The following GALNT14 variants were observed in gnomAD, a reference collection of about 807,000 sequenced individuals.
GALNT14 encodes the protein polypeptide N-acetylgalactosaminyltransferase 14, also known as UDP-GalNAc:polypeptide N-acetylgalactosaminyltransferase 14.
GALNT14 carries 60 observed loss-of-function variants against 77.5 expected under a neutral mutation model. That is an observed-to-expected ratio of 0.77 (90% CI 0.63 to 0.96). GALNT14 has a LOEUF of 0.96. Among genes scored for constraint, GALNT14 ranks in the 40% least tolerant of loss-of-function variants. The probability of loss-of-function intolerance (pLI) is 0.00; values close to 1 mark genes in which losing one functional copy is unlikely to be tolerated. For missense variants in GALNT14, 710 were observed against 731.0 expected, an observed-to-expected ratio of 0.97 and a Z score of 0.33; for synonymous variants, 280 against 281.7, an observed-to-expected ratio of 0.99 and a Z score of 0.06.
chr2:30,897,936 C>A, the GALNT14 span, among the ~76,000 whole-genome samples: 3 of 152,220 alleles, frequency 2.0e-5, no homozygotes, highest in African/African-American at 7.2e-5. Flanking sequence ...GGCAACCCCA[C>A]AGGGGAGTCT....
At chr2:31,055,791 CTTTA>C in intron 1 of GALNT14, among the ~76,000 whole-genome samples, 1 of 152,264 alleles carries the variant, frequency 6.6e-6, no homozygotes, top group Admixed American at 6.5e-5. Context: ...TGACTGGCTG[CTTTA>C]TTTCTCTTAT....
intron 1 of GALNT14, among the ~76,000 whole-genome samples, chr2:31,116,088 G>A (rs1678093600): frequency 6.6e-6 from 1 of 152,088 alleles, no homozygotes; most frequent in African/African-American, 2.4e-5. Flanking sequence ...GGAGGGGCAT[G>A]TAAAATCATC....
In GALNT14 at chr2:31,123,971, T is replaced by A. The variant is rs377741775; in HGVS notation, c.129+13987A>T. Among the ~76,000 whole-genome samples, 74 of 152,306 alleles carry A rather than the reference T, an allele frequency of 4.9e-4. 1 individual carries two copies. The South Asian group carries it at 0.014, about 28-fold the overall frequency. ...CAATACATCTAAGAGGAACACAGTG[T>A]TCGGGAATCAGAAGTGGTGAGGGAG... On this transcript the variant is annotated intron_variant, in intron 1 of 14. Coordinates refer to ENST00000349752, the MANE Select transcript of GALNT14 (RefSeq NM_024572.4).
At chr2:31,020,146 A>G (rs1671624735) in intron 1 of GALNT14, among the ~76,000 whole-genome samples, 1 of 152,142 alleles carries the variant, frequency 6.6e-6, no homozygotes, top group Non-Finnish European at 1.5e-5. Context: ...GGGACTTGGG[A>G]ACACACGTCA....
rs144504311 is a variant in GALNT14, at chr2:31,077,931, T to C, written c.129+60027A>G. 5.9e-5 allele frequency among the ~76,000 whole-genome samples: 9 copies of C among 152,316 alleles called. No individual in the cohort carries two copies. The East Asian group carries it at 1.5e-3, about 26-fold the overall frequency. On this transcript the variant is annotated intron_variant, in intron 1 of 14. Transcript: ENST00000349752. ...CATGTTGTGTCCACAGAGGAATGTA[T>C]AGTAGGTTACAAAATAGAGTTGTGG...
intron 11 of GALNT14, among the ~76,000 whole-genome samples, chr2:30,925,777 TG>T (rs1665333886): frequency 6.6e-6 from 1 of 152,114 alleles, no homozygotes; most frequent in South Asian, 2.1e-4. Context: ...ATGAAACTGA[TG>T]GGTTCTAAGC....
At chr2:31,045,644 G>A (rs2148508232) in intron 1 of GALNT14, among the ~76,000 whole-genome samples, 1 of 152,090 alleles carries the variant, frequency 6.6e-6, no homozygotes. Context: ...TGCATTTTTT[G>A]TAGAGACAGG....
intron 1 of GALNT14, among the ~76,000 whole-genome samples, chr2:31,093,332 T>C (rs1035167179): frequency 6.6e-6 from 1 of 152,246 alleles, no homozygotes; most frequent in African/African-American, 2.4e-5. Context: ...TCTGGGTTAC[T>C]ACAGATTAGT....
intron 1 of GALNT14, among the ~76,000 whole-genome samples, chr2:31,027,889 T>C (rs912979254): frequency 2.1e-5 from 3 of 140,016 alleles, no homozygotes; most frequent in Non-Finnish European, 4.5e-5. Context: ...ATGTATTCTG[T>C]GTGTGTGTGT....
chr2:31,059,520 A>G (rs1396142959), intron 1 of GALNT14, among the ~76,000 whole-genome samples: 2 of 152,154 alleles, frequency 1.3e-5, no homozygotes, highest in Non-Finnish European at 2.9e-5. Context: ...GAGGAACCTT[A>G]TGAATGAGAT....
At chr2:31,007,056 C>T (rs570871890) in intron 1 of GALNT14, among the ~76,000 whole-genome samples, 4 of 152,244 alleles carry the variant, frequency 2.6e-5, no homozygotes, top group South Asian at 2.1e-4. Flanking sequence ...GACTTTGAAA[C>T]GACTTTATCT....
chr2:30,948,734 T>A (rs527520618), intron 6 of GALNT14, among the ~76,000 whole-genome samples: 1 of 152,302 alleles, frequency 6.6e-6, no homozygotes, highest in South Asian at 2.1e-4. Flanking sequence ...GCCATAACCA[T>A]GATTCTAACA....
intron 1 of GALNT14, among the ~76,000 whole-genome samples, chr2:31,076,436 C>T (rs981816826): frequency 6.6e-6 from 1 of 152,090 alleles, no homozygotes; most frequent in Non-Finnish European, 1.5e-5. Context: ...TCTGAGACCA[C>T]CATCCTCTGG....
chr2:31,065,658 A>G (rs1674899620), intron 1 of GALNT14, among the ~76,000 whole-genome samples: 1 of 152,166 alleles, frequency 6.6e-6, no homozygotes, highest in East Asian at 1.9e-4. Flanking sequence ...GCAGGGCCTC[A>G]GATTTGCAGA....
At chr2:31,013,122 G>T (rs1226843088) in intron 1 of GALNT14, among the ~76,000 whole-genome samples, 2 of 152,178 alleles carry the variant, frequency 1.3e-5, no homozygotes, top group African/African-American at 4.8e-5. Flanking sequence ...AAGTCACTGG[G>T]ACTCAGAGGA....
downstream of GALNT14, among the ~76,000 whole-genome samples, chr2:30,905,850 A>G (rs1264449569): frequency 1.4e-4 from 21 of 152,114 alleles, no homozygotes; most frequent in African/African-American, 4.8e-4. Context: ...CCATCAGACT[A>G]ACAGCGGATC....
chr2:31,010,602 G>A (rs1670968626), intron 1 of GALNT14, among the ~76,000 whole-genome samples: 1 of 152,160 alleles, frequency 6.6e-6, no homozygotes, highest in Admixed American at 6.5e-5. Flanking sequence ...GCAACAGAGA[G>A]AGACTCTGTC....
At chr2:31,030,098 G>C (rs1049147189) in intron 1 of GALNT14, among the ~76,000 whole-genome samples, 2 of 152,188 alleles carry the variant, frequency 1.3e-5, no homozygotes, top group African/African-American at 2.4e-5. Flanking sequence ...AACAGAACTT[G>C]TGCCTTCTTC....
At chr2:31,008,809 C>T (rs1226744290) in intron 1 of GALNT14, among the ~76,000 whole-genome samples, 2 of 152,202 alleles carry the variant, frequency 1.3e-5, no homozygotes, top group African/African-American at 4.8e-5. Context: ...GATTACAGTG[C>T]AGTCGACACC....
Sources: allele counts gnomAD v4.1 joint callset (sites outside exome capture counted in the v4.1 genomes callset), GRCh38; gene constraint gnomAD v4.1.1; transcripts MANE v1.5; gene names NCBI Gene and HGNC (gene_info 2026-07-23, HGNC 2026-07-21).